Variants in SUMF1 observed in about 807,000 individuals in gnomAD.
SUMF1 encodes the protein formylglycine-generating enzyme.
SUMF1 carries 48 observed loss-of-function variants against 47.6 expected under a neutral mutation model. The observed-to-expected ratio is 1.01, with a 90% CI of 0.80 to 1.28. The LOEUF (loss-of-function observed/expected upper bound fraction) is 1.28. Ranked by LOEUF, SUMF1 falls within the 50% of genes most tolerant of loss-of-function variation. SUMF1 has a pLI of 0.00. For synonymous variants in SUMF1, 230 were observed against 192.1 expected (o/e 1.20, Z -1.63); for missense variants, 571 against 485.4 (o/e 1.18, Z -1.66).
chr3:4,239,712 GCAAA>G (rs1696495189), intron 8 of SUMF1, among the ~76,000 whole-genome samples: 1 of 152,176 alleles, frequency 6.6e-6, no homozygotes, highest in African/African-American at 2.4e-5. Flanking sequence ...CATATCATCT[GCAAA>G]CAGAGACAAT....
intron 8 of SUMF1, among the ~76,000 whole-genome samples, chr3:4,269,092 C>G (rs1270853097): frequency 6.6e-6 from 1 of 152,092 alleles, no homozygotes; most frequent in Non-Finnish European, 1.5e-5. Flanking sequence ...CAGTGATGAT[C>G]CTTGCCTCAT....
chr3:4,312,685 G>T (rs1698453361), intron 8 of SUMF1, among the ~76,000 whole-genome samples: 1 of 142,990 alleles, frequency 7.0e-6, no homozygotes, highest in Non-Finnish European at 1.5e-5. Context: ...CTGTGCAACA[G>T]AGCAAGACCC....
intron 3 of SUMF1, among the ~76,000 whole-genome samples, chr3:4,423,109 A>G (rs752415106): frequency 6.6e-6 from 1 of 152,230 alleles, no homozygotes; most frequent in Non-Finnish European, 1.5e-5. Flanking sequence ...AACTAAAAGT[A>G]GAACTACCAC....
intron 3 of SUMF1, among the ~76,000 whole-genome samples, chr3:4,421,892 A>G (rs1701912066): frequency 6.6e-6 from 1 of 152,224 alleles, no homozygotes; most frequent in Admixed American, 6.5e-5. Flanking sequence ...AGCTTGTCTG[A>G]GTAGAAGTTA....
Position 4,060,867 on chromosome 3 carries a change from G to C in SUMF1, c.1191+7702C>G, listed in dbSNP as rs142266833. Among the ~76,000 whole-genome samples, 149 of 152,210 alleles carry C rather than the reference G, an allele frequency of 9.8e-4. 1 individual carries two copies. Among genetic ancestry groups the C allele is most frequent in the Middle Eastern group, 6.8e-3 (2 of 294 alleles). On this transcript the variant is annotated intron_variant and NMD_transcript_variant, in intron 9 of 12. Transcript: ENST00000448413. ...AAATAGCATTTGTTAAGTAAATAAA[G>C]CTCTTAGGTACCAAACTAGCTAGCT... is the stretch of plus-strand genomic sequence containing the variant.
At chr3:4,374,505 A>G (rs1483829966) in intron 8 of SUMF1, among the ~76,000 whole-genome samples, 1 of 152,254 alleles carries the variant, frequency 6.6e-6, no homozygotes, top group African/African-American at 2.4e-5. Flanking sequence ...TACGCATGGA[A>G]TTAGGACAGT....
chr3:4,459,349 CAAG>C (rs1171968761), intron 1 of SUMF1, among the ~76,000 whole-genome samples: 1 of 151,304 alleles, frequency 6.6e-6, no homozygotes, highest in Non-Finnish European at 1.5e-5. Context: ...TTTTAAAAAA[CAAG>C]GGCTCAAATT....
intron 9 of SUMF1, among the ~76,000 whole-genome samples, chr3:4,046,520 T>C (rs1695010202): frequency 6.6e-6 from 1 of 152,072 alleles, no homozygotes; most frequent in Non-Finnish European, 1.5e-5. Flanking sequence ...TCTCCCAGCC[T>C]TCTTCGTCTC....
chr3:4,084,540 G>A (rs1041984164), intron 8 of SUMF1, among the ~76,000 whole-genome samples: 3 of 152,036 alleles, frequency 2.0e-5, no homozygotes, highest in African/African-American at 7.3e-5. Flanking sequence ...TGATTAGTAA[G>A]AACCAAAGCA....
chr3:4,196,826 A>G (rs566796217), intron 8 of SUMF1, among the ~76,000 whole-genome samples: 1 of 152,164 alleles, frequency 6.6e-6, no homozygotes, highest in African/African-American at 2.4e-5. Flanking sequence ...CTAGGGAACC[A>G]GTGCCACTTT....
At chr3:4,217,638 C>T (rs1483669243) in intron 8 of SUMF1, among the ~76,000 whole-genome samples, 2 of 141,034 alleles carry the variant, frequency 1.4e-5, no homozygotes, top group Admixed American at 7.5e-5. Flanking sequence ...GGTCTAATTA[C>T]ACAAGCTGTT....
chr3:4,202,458 G>T (rs926416928), intron 8 of SUMF1, among the ~76,000 whole-genome samples: 5 of 151,826 alleles, frequency 3.3e-5, no homozygotes, highest in Non-Finnish European at 7.4e-5. Flanking sequence ...CTGTTCCATT[G>T]GTCTATGTGT....
In SUMF1 at chr3:4,343,093, C is replaced by T. The variant is rs78605116; in HGVS notation, c.1014+33237G>A. Among the ~76,000 whole-genome samples, 686 of 152,302 alleles carry T rather than the reference C, an allele frequency of 4.5e-3. 15 individuals are homozygous for T. The highest frequency in any genetic ancestry group is 0.031 in the East Asian group (159 of 5,184). On this transcript the variant is annotated intron_variant and NMD_transcript_variant, in intron 8 of 12. Transcript: ENST00000448413. Reference sequence around the variant, plus strand: ...AAATAGGTACATTTTGAACAATTTCCCCTGCTTCTAACACAAGCCAGGCCT... The same window carrying T: ...AAATAGGTACATTTTGAACAATTTCTCCTGCTTCTAACACAAGCCAGGCCT...
chr3:4,456,942 G>GTATATATA (rs758595714), intron 1 of SUMF1, among the ~76,000 whole-genome samples: 2 of 116,114 alleles, frequency 1.7e-5, no homozygotes, highest in Admixed American at 9.1e-5. Flanking sequence ...ATACGTGTGT[G>GTATATATA]TACATATATA....
chr3:4,268,539 G>A (rs1400643968), intron 8 of SUMF1, among the ~76,000 whole-genome samples: 2 of 137,188 alleles, frequency 1.5e-5, no homozygotes, highest in Non-Finnish European at 3.1e-5. Context: ...TTAATGATAG[G>A]TTTACACAGT....
At chr3:4,207,362 A>G (rs1214628130) in intron 8 of SUMF1, among the ~76,000 whole-genome samples, 1 of 152,174 alleles carries the variant, frequency 6.6e-6, no homozygotes, top group Non-Finnish European at 1.5e-5. Context: ...TGTCCAGTGC[A>G]ATGTTAAATA....
intron 8 of SUMF1, among the ~76,000 whole-genome samples, chr3:4,213,144 G>A (rs906743828): frequency 6.6e-6 from 1 of 152,122 alleles, no homozygotes; most frequent in Non-Finnish European, 1.5e-5. Context: ...AGGAAAAAAT[G>A]TTAAGGGCAG....
intron 8 of SUMF1, among the ~76,000 whole-genome samples, chr3:4,142,547 G>A (rs1055375780): frequency 2.6e-5 from 4 of 152,048 alleles, no homozygotes; most frequent in African/African-American, 9.7e-5. Flanking sequence ...ACTATTCATT[G>A]CAACTCTTTG....
chr3:4,424,832 TCAGGAGAGTACTATTAGA>T (rs1702017971), intron 3 of SUMF1, among the ~76,000 whole-genome samples: 1 of 152,202 alleles, frequency 6.6e-6, no homozygotes, highest in African/African-American at 2.4e-5. Context: ...AAGCGAAGGA[TCAGGAGAGTACTATTAGA>T]CATTTTTAGA....
Sources: allele counts gnomAD v4.1 joint callset (sites outside exome capture counted in the v4.1 genomes callset), GRCh38; gene constraint gnomAD v4.1.1; transcripts MANE v1.5; gene names NCBI Gene and HGNC (gene_info 2026-07-23, HGNC 2026-07-21).